Variants in MYO16 observed in about 807,000 individuals in gnomAD.
The protein encoded by MYO16 is myosin XVI, also known as unconventional myosin-XVI.
In MYO16, 94 loss-of-function variants were observed where a neutral mutation model predicts 205.3. The observed-to-expected ratio is 0.46, with a 90% CI of 0.39 to 0.54. The LOEUF is 0.54. MYO16 is among the 20% of genes least tolerant of loss of function. The probability of loss-of-function intolerance (pLI) is 0.00; values close to 1 mark genes in which losing one functional copy is unlikely to be tolerated. For missense variants in MYO16, 2,315 were observed against 2,387.5 expected (o/e 0.97, Z 0.63); for synonymous variants, 988 against 954.0 (o/e 1.04, Z -0.66).
At chr13:108,523,363 C>T in the MYO16 span, among the ~76,000 whole-genome samples, 7 of 152,186 alleles carry the variant, frequency 4.6e-5, no homozygotes, top group Non-Finnish European at 8.8e-5. Context: ...TTTCCATTGC[C>T]GCTGCCCAGC....
At chr13:108,981,185 G>A (rs1884436499) in intron 20 of MYO16, among the ~76,000 whole-genome samples, 1 of 152,200 alleles carries the variant, frequency 6.6e-6, no homozygotes, top group South Asian at 2.1e-4. Context: ...TGCCCCGCAG[G>A]CGAGGTTATC....
At chr13:108,855,271 T>G (rs9559426) in intron 10 of MYO16, 172 bp from the exon 11 acceptor site, 35,266 of 373,682 alleles carry the variant, frequency 0.094, 2,247 homozygotes, top group Non-Finnish European at 0.11. Flanking sequence ...CTCTGTGGCT[T>G]TAGAGTTTTT....
chr13:108,761,220 C>A (rs1238880221), intron 4 of MYO16, among the ~76,000 whole-genome samples: 1 of 152,106 alleles, frequency 6.6e-6, no homozygotes, highest in Non-Finnish European at 1.5e-5. Flanking sequence ...CCCAGCGTTG[C>A]CCAGAGCATT....
Position 109,141,347 on chromosome 13 carries a change from C to T in MYO16, c.5135C>T (p.Ala1712Val). Residue 1712 changes from alanine to valine, a missense_variant, in exon 32 of 35, where the codon GCG becomes GTG. Ala to Val is a moderately conservative substitution (Grantham distance 64). This residue lies in a region of MYO16 where 1,097 missense variants were observed against 1,092.0 expected (regional missense o/e 1.00). Transcript: ENST00000457511. This position sits in a 1 kb window ranked among gnomAD's most constrained non-coding sequence, Gnocchi z 4.1. ...GGGAGGAGTGTGCTTCGGAAATCCG[C>T]GGCGGGAAGAAAAATCAGGGAAGCA... ...NSGRSVLRKS[A>V]AGRKIREAEG... is the part of the protein sequence containing the mutation. 3 of 1,546,642 alleles carry T rather than the reference C, an allele frequency of 1.9e-6. No individual in the cohort carries two copies. The highest frequency in any genetic ancestry group is 2.6e-6 in the Non-Finnish European group (3 of 1,150,658).
chr13:108,516,844 G>T, the MYO16 span, among the ~76,000 whole-genome samples: 49 of 152,092 alleles, frequency 3.2e-4, no homozygotes, highest in Non-Finnish European at 5.3e-4. Context: ...ATTTATTCTT[G>T]TGAGTATACC....
chr13:108,859,067 T>C (rs568410053), intron 11 of MYO16, among the ~76,000 whole-genome samples: 73 of 152,244 alleles, frequency 4.8e-4, no homozygotes, highest in African/African-American at 1.7e-3. Flanking sequence ...GCACTTCCTA[T>C]CCTTCTGCCT....
At chr13:108,908,987 A>AAAATAAATAAATAAAT (rs1331629581) in intron 15 of MYO16, among the ~76,000 whole-genome samples, 1 of 148,834 alleles carries the variant, frequency 6.7e-6, no homozygotes, top group African/African-American at 2.5e-5. Context: ...AAAATAAAAT[A>AAAATAAATAAATAAAT]AAATAAATAA....
chr13:108,885,873 G>C (rs1879846517), intron 13 of MYO16, among the ~76,000 whole-genome samples: 1 of 152,106 alleles, frequency 6.6e-6, no homozygotes, highest in Non-Finnish European at 1.5e-5. Flanking sequence ...CGGCCAGCAA[G>C]TTTTCTTATG....
At chr13:108,742,998 A>G (rs1477038787) in intron 4 of MYO16, among the ~76,000 whole-genome samples, 1 of 152,210 alleles carries the variant, frequency 6.6e-6, no homozygotes, top group Non-Finnish European at 1.5e-5. Flanking sequence ...CTAAATTTTC[A>G]CATTTAATTT....
chr13:108,843,080 G>A (rs539015804), intron 9 of MYO16, among the ~76,000 whole-genome samples: 23 of 151,860 alleles, frequency 1.5e-4, no homozygotes, highest in African/African-American at 5.6e-4. Flanking sequence ...TAGAACCGTG[G>A]CTGCCAGTTA....
chr13:108,737,109 C>T (rs1884730493), intron 4 of MYO16, among the ~76,000 whole-genome samples: 1 of 152,104 alleles, frequency 6.6e-6, no homozygotes. Context: ...TTCCTCTTTT[C>T]CTAATTGAAT....
the MYO16 span, among the ~76,000 whole-genome samples, chr13:108,520,635 A>G: frequency 1.6e-5 from 2 of 127,364 alleles, no homozygotes; most frequent in African/African-American, 3.8e-5. Flanking sequence ...CATTTTTACA[A>G]TTTATTAATA....
intron 7 of MYO16, among the ~76,000 whole-genome samples, chr13:108,812,891 T>A (rs1478525059): frequency 6.6e-6 from 1 of 152,174 alleles, no homozygotes; most frequent in Non-Finnish European, 1.5e-5. Context: ...ATGGGGCATC[T>A]TGAAAGAAGA....
upstream of MYO16, among the ~76,000 whole-genome samples, chr13:108,591,760 A>G (rs1878406122): frequency 6.6e-6 from 1 of 152,162 alleles, no homozygotes; most frequent in South Asian, 2.1e-4. Flanking sequence ...TTGAAGTTTC[A>G]AATAAAAAGA....
intron 2 of MYO16, among the ~76,000 whole-genome samples, chr13:108,711,963 T>C (rs1429498098): frequency 1.3e-5 from 2 of 152,206 alleles, no homozygotes; most frequent in African/African-American, 2.4e-5. Flanking sequence ...CTATGGGGCT[T>C]GTCTTATAGC....
intron 33 of MYO16, among the ~76,000 whole-genome samples, 173 bp downstream of exon 33, chr13:109,165,232 T>C (rs1878595261): frequency 6.6e-6 from 1 of 152,224 alleles, no homozygotes; most frequent in Admixed American, 6.5e-5. Flanking sequence ...TTGCTTCAGT[T>C]AAAGAATTGG....
intron 11 of MYO16, among the ~76,000 whole-genome samples, chr13:108,855,782 A>G (rs1420039272): frequency 1.3e-5 from 2 of 152,234 alleles, no homozygotes; most frequent in African/African-American, 4.8e-5. Context: ...TACCCTGTGG[A>G]CAGACACAAG....
chr13:109,064,554 G>A (rs548549421), intron 27 of MYO16, among the ~76,000 whole-genome samples: 1 of 152,300 alleles, frequency 6.6e-6, no homozygotes, highest in South Asian at 2.1e-4. Context: ...TTGCATTTGA[G>A]TGTGGTTTAG....
intron 9 of MYO16, among the ~76,000 whole-genome samples, chr13:108,841,832 C>A (rs1877258084): frequency 6.6e-6 from 1 of 152,034 alleles, no homozygotes; most frequent in African/African-American, 2.4e-5. Context: ...AACTATATTA[C>A]AAAGCTATAG....
Sources: allele counts gnomAD v4.1 joint callset (sites outside exome capture counted in the v4.1 genomes callset), GRCh38; gene constraint gnomAD v4.1.1; regional missense constraint gnomAD v4.1.1; non-coding constraint Gnocchi (gnomAD v3.1); transcripts MANE v1.5; gene names NCBI Gene and HGNC (gene_info 2026-07-23, HGNC 2026-07-21).